The following IGSF9 variants were observed in gnomAD, a reference collection of about 807,000 sequenced individuals.
The protein encoded by IGSF9 is immunoglobulin superfamily member 9.
In IGSF9, 87 loss-of-function variants were observed where a neutral mutation model predicts 121.7. The observed-to-expected ratio is 0.71, with a 90% CI of 0.60 to 0.85. IGSF9 has a LOEUF of 0.85. Ranked by LOEUF, IGSF9 falls within the 40% of genes least tolerant of loss-of-function variation. The pLI is 0.00. For missense variants in IGSF9, 1,462 were observed against 1,565.3 expected (o/e 0.93, Z 1.11); for synonymous variants, 640 against 648.4 (o/e 0.99, Z 0.20).
Position 159,932,117 on chromosome 1 carries a change from G to A in IGSF9, c.1246-189C>T. 1.7e-6 allele frequency: 1 copy of A among 574,952 alleles called. No individual in the cohort carries two copies. The highest frequency in any genetic ancestry group is 3.0e-5 in the East Asian group (1 of 33,688). The allele number at this position is 574,952 out of a possible 1,614,324, so 35.6% of individuals were successfully genotyped here. On this transcript the variant is annotated intron_variant, in intron 10 of 20. Coordinates refer to ENST00000368094, the MANE Select transcript of IGSF9 (RefSeq NM_001135050.2). This position sits in a 1 kb window ranked among gnomAD's most constrained non-coding sequence, Gnocchi z 4.1. The stretch of plus-strand genomic sequence containing the variant: ...TCAATTCCTCTCTGGCTCTGTTTCT[G>A]TTCCCCAGTGGGTAGGGGCTGGAGG...
In IGSF9 at chr1:159,934,827, G is replaced by C; in HGVS notation, c.674-5C>G. ...GCACCACGATGACTGGGGGTCCTGT[G>C]GGATGCACAAGGGGAGGAAGGTGGC... On this transcript the variant is annotated splice_polypyrimidine_tract_variant and splice_region_variant and intron_variant, in intron 6 of 20. Coordinates refer to ENST00000368094, the MANE Select transcript of IGSF9 (RefSeq NM_001135050.2). The C allele has an allele frequency of 6.2e-7, 1 of 1,613,950 alleles. No individual in the cohort carries two copies. The highest frequency in any genetic ancestry group is 8.5e-7 in the Non-Finnish European group (1 of 1,179,948).
At position 159,927,613 on chromosome 1, in the gene IGSF9, G is replaced by C. The variant is rs561884375; in HGVS notation, c.3359-87C>G. On this transcript the variant is annotated intron_variant, in intron 20 of 20. Coordinates refer to ENST00000368094, the MANE Select transcript of IGSF9 (RefSeq NM_001135050.2). Reference sequence around the variant, plus strand: ...ATGTGAAGCTCGCTAGGCCCTTCCAGTACAGATGGCCCAAGGGGGCAAGGC... The same window carrying C: ...ATGTGAAGCTCGCTAGGCCCTTCCACTACAGATGGCCCAAGGGGGCAAGGC... 37 of 1,546,226 alleles carry C rather than the reference G, an allele frequency of 2.4e-5. No individual in the cohort carries two copies. In the African/African-American group the frequency reaches 4.5e-4, roughly 19 times the overall value.
chr1:159,936,249 A>T, intron 6 of IGSF9, 150 bp downstream of exon 6: 1 of 680,128 alleles, frequency 1.5e-6, no homozygotes, highest in Admixed American at 2.5e-5. Flanking sequence ...GTTTCAGAGC[A>T]ACAGCCTGCA....
rs76641692 is a variant in IGSF9 at position 159,932,261 on chromosome 1, G to C, written c.1245+251C>G. On this transcript the variant is annotated intron_variant, in intron 10 of 20. Coordinates refer to ENST00000368094, the MANE Select transcript of IGSF9 (RefSeq NM_001135050.2). This position sits in a 1 kb window ranked among gnomAD's most constrained non-coding sequence, Gnocchi z 4.1. ...GAGGGAGGCAGCACGGTCAAGGTTA[G>C]TGAGAGTTGGGGCAAACAGGATATC... 0.079 allele frequency: 46,227 copies of C among 585,206 alleles called. 4,023 individuals are homozygous for C. The highest frequency in any genetic ancestry group is 0.35 in the African/African-American group (18,371 of 53,232). 36.3% of individuals were successfully genotyped at this position (585,206 alleles called of 1,614,324 possible).
In IGSF9 at chr1:159,931,439, C is replaced by T; in HGVS notation, c.1513+14G>A. ...AGTTTCTCCCAGCCCCTGGCCCTCT[C>T]TCCAGCCACTAACCCAGCACGTAGA... On this transcript the variant is annotated intron_variant, in intron 12 of 20. Coordinates refer to ENST00000368094, the MANE Select transcript of IGSF9 (RefSeq NM_001135050.2). This position sits in a 1 kb window ranked among gnomAD's most constrained non-coding sequence, Gnocchi z 4.8. 1 of 1,610,382 alleles carries T rather than the reference C, an allele frequency of 6.2e-7. No homozygotes were observed. The highest frequency in any genetic ancestry group is 8.5e-7 in the Non-Finnish European group (1 of 1,177,032).
Position 159,931,858 on chromosome 1 carries a change from G to A in IGSF9, c.1316C>T (p.Pro439Leu). 6.3e-7 allele frequency: 1 copy of A among 1,596,666 alleles called. No individual in the cohort carries two copies. Among genetic ancestry groups the A allele is most frequent in the Non-Finnish European group, 8.5e-7 (1 of 1,174,154 alleles). The change falls in exon 11 of 21, where the codon CCC (proline) becomes CTC (leucine). Residue 439 changes from proline (P) to leucine (L), a missense_variant. Physicochemically the swap from Pro to Leu is moderately conservative, Grantham distance 98. Around this residue, in one of 3 missense-constraint regions of IGSF9, gnomAD observed 558 missense variants for 599.4 expected, o/e 0.93. Coordinates refer to ENST00000368094, the MANE Select transcript of IGSF9 (RefSeq NM_001135050.2). The surrounding 1 kb of genome is among the most constrained non-coding windows in gnomAD (Gnocchi z 4.8). ...FQEVGRELLI[P>L]CSAQGDPPPV... ...AGGAGGGTCCCCTTGGGCGGAGCAG[G>A]GGATGAGCAGCTCCCGCCCTACTTC...
chr1:159,932,655 G>A lies in IGSF9; in HGVS notation c.1105-3C>T. 3 of 1,609,380 alleles carry A rather than the reference G, an allele frequency of 1.9e-6. No homozygotes were observed. Among genetic ancestry groups the A allele is most frequent in the Non-Finnish European group, 2.5e-6 (3 of 1,176,900 alleles). On this transcript the variant is annotated splice_region_variant and splice_polypyrimidine_tract_variant and intron_variant, in intron 9 of 20. Coordinates refer to ENST00000368094, the MANE Select transcript of IGSF9 (RefSeq NM_001135050.2). This position sits in a 1 kb window ranked among gnomAD's most constrained non-coding sequence, Gnocchi z 4.1. ...GTGCCCTGGGACCAGCCAGGGAACT[G>A]GAAGGAAGAGAAGATGACAGCTAGA...
chr1:159,927,173 G>C lies in IGSF9; in HGVS notation c.*172C>G. On this transcript the variant is annotated 3_prime_UTR_variant, in exon 21 of 21. Transcript: ENST00000368094. ...TGTTCCAATCCCCAGACTCACCTAG[G>C]GGGTCAGCACATACATTCCATACCA... 1.4e-6 allele frequency: 1 copy of C among 692,142 alleles called. No individual in the cohort carries two copies. Among genetic ancestry groups the C allele is most frequent in the South Asian group, 1.8e-5 (1 of 56,062 alleles). The allele number at this position is 692,142 out of a possible 1,614,324, so 42.9% of individuals were successfully genotyped here. A position where few individuals can be genotyped will look rare whatever the true frequency, so the allele number is the denominator to read the frequency against.
At position 159,934,290 on chromosome 1, in the gene IGSF9, G is replaced by A; in HGVS notation, c.1004C>T (p.Pro335Leu). 6.2e-7 allele frequency: 1 copy of A among 1,611,494 alleles called. No homozygotes were observed. Among genetic ancestry groups the A allele is most frequent in the Non-Finnish European group, 8.5e-7 (1 of 1,178,780 alleles). The change falls in exon 9 of 21, where the codon CCC becomes CTC. Residue 335 changes from proline (P) to leucine (L), a missense_variant. Physicochemically the swap from Pro to Leu is moderately conservative, Grantham distance 98. Transcript: ENST00000368094. Reference protein sequence around the residue: ...VTAMPPETPLPIGMPGVIRCP... With the variant: ...VTAMPPETPLLIGMPGVIRCP... ...GCGGATCACCCCCGGCATGCCTATG[G>A]GCAGGGGTGTCTCAGGAGGCATAGC... is the stretch of plus-strand genomic sequence containing the variant.
At position 159,930,276 on chromosome 1, in the gene IGSF9, T is replaced by C; in HGVS notation, c.1977A>G (p.Glu659=). Residue 659 remains glutamate (E), a synonymous_variant, in exon 15 of 21, where the codon GAA becomes GAG. Coordinates refer to ENST00000368094, the MANE Select transcript of IGSF9 (RefSeq NM_001135050.2). ...VPKRLDGYVL[E]GRQGSQGWEV... is the part of the protein sequence containing the mutation. ...CCCAGCCCTGGGAGCCTTGCCGGCC[T>C]TCCAAGACGTAGCCATCCAGTCTCT... The C allele has an allele frequency of 2.5e-6, 4 of 1,613,742 alleles. No homozygotes were observed. The highest frequency in any genetic ancestry group is 3.4e-6 in the Non-Finnish European group (4 of 1,179,886).
At position 159,928,285 on chromosome 1, in the gene IGSF9, G is replaced by A. The variant is rs367826505; in HGVS notation, c.3103C>T (p.Arg1035Trp). 33 of 1,612,094 alleles carry A rather than the reference G, an allele frequency of 2.0e-5. No individual in the cohort carries two copies. The highest frequency in any genetic ancestry group is 4.0e-5 in the African/African-American group (3 of 74,854). Residue 1035 changes from arginine to tryptophan, a missense_variant, in exon 19 of 21, where the codon CGG (arginine) becomes TGG (tryptophan). Physicochemically the swap from Arg to Trp is moderately radical, Grantham distance 101. Around this residue, in one of 3 missense-constraint regions of IGSF9, gnomAD observed 808 missense variants for 815.2 expected, o/e 0.99. Transcript: ENST00000368094. ...GCAGAGGGGGCTGTGGAGGGGGGCCGCAGGAACGAAGCGCTGCCTCGCCCA... is the reference window on the plus strand; with the variant it reads ...GCAGAGGGGGCTGTGGAGGGGGGCCACAGGAACGAAGCGCTGCCTCGCCCA... Reference protein sequence around the residue: ...SSGRGSASFLRPPSTAPSAGG... With the variant: ...SSGRGSASFLWPPSTAPSAGG...
intron 1 of IGSF9, among the ~76,000 whole-genome samples, chr1:159,943,858 A>G (rs2101885383): frequency 6.6e-6 from 1 of 151,938 alleles, no homozygotes; most frequent in African/African-American, 2.4e-5. Context: ...GAAATGGGGG[A>G]GGCTGGGAGA....
At position 159,934,779 on chromosome 1, in the gene IGSF9, A is replaced by G. The variant is rs1557934546; in HGVS notation, c.717T>C (p.Asn239=). Residue 239 remains asparagine, a synonymous_variant, in exon 7 of 21, where the codon AAT becomes AAC. Transcript: ENST00000368094. ...IVVPPKNSTV[N]ASQDVSLACH... is the part of the protein sequence containing the mutation. ...AGGCCAATGAAACATCCTGGGAGGC[A>G]TTGACTGTGCTGTTCTTGGGGGGCA... is the stretch of plus-strand genomic sequence containing the variant. The G allele has an allele frequency of 6.2e-7, 1 of 1,614,150 alleles. No homozygotes were observed. Among genetic ancestry groups the G allele is most frequent in the Non-Finnish European group, 8.5e-7 (1 of 1,180,028 alleles).
Position 159,936,507 on chromosome 1 carries a change from C to G in IGSF9, c.565G>C (p.Gly189Arg), listed in dbSNP as rs1395263013. The stretch of plus-strand genomic sequence containing the variant: ...TCTACCCGGCGGATCCGCAGCGTCC[C>G]GTTCTGCACCTAGGGAAGGAGTGGG... ...QGQGQVQVQN[G>R]TLRIRRVERG... Residue 189 changes from glycine to arginine, a missense_variant, in exon 6 of 21, where the codon GGG (glycine) becomes CGG (arginine). By Grantham distance (125) the Gly-to-Arg change is moderately radical. Transcript: ENST00000368094. The G allele has an allele frequency of 3.7e-6, 6 of 1,613,760 alleles. No homozygotes were observed. The highest frequency in any genetic ancestry group is 2.2e-5 in the East Asian group (1 of 44,902).
In IGSF9 at chr1:159,932,230, C is replaced by G. The variant is rs72702746; in HGVS notation, c.1245+282G>C. ...TGCAGAACATTCTTCCTCCCAGAGC[C>G]CCAGAGAGGGAGGCAGCACGGTCAA... On this transcript the variant is annotated intron_variant, in intron 10 of 20. Transcript: ENST00000368094. The surrounding 1 kb of genome is among the most constrained non-coding windows in gnomAD (Gnocchi z 4.1). The G allele has an allele frequency of 1.7e-6, 1 of 574,624 alleles. No homozygotes were observed. The highest frequency in any genetic ancestry group is 3.1e-6 in the Non-Finnish European group (1 of 323,746). 35.6% of individuals were successfully genotyped at this position (574,624 alleles called of 1,614,324 possible).
chr1:159,933,535 T>G (rs1369871676), intron 9 of IGSF9: 1 of 152,468 alleles, frequency 6.6e-6, no homozygotes, highest in Admixed American at 6.5e-5. Context: ...TCTTTCCAGC[T>G]TTCTCTGCAC....
intron 9 of IGSF9, 60 bp downstream of exon 9, chr1:159,934,130 G>A (rs941280395): frequency 6.4e-7 from 1 of 1,556,344 alleles, no homozygotes; most frequent in South Asian, 1.2e-5. Flanking sequence ...ACTCCACCCT[G>A]CTGTCCTGAG....
chr1:159,929,367 C>T lies in IGSF9; in HGVS notation c.2353G>A (p.Gly785Arg), dbSNP rs779432233. Residue 785 changes from glycine (G) to arginine (R), a missense_variant, in exon 18 of 21, where the codon GGG becomes AGG. Gly to Arg is a moderately radical substitution (Grantham distance 125, BLOSUM62 -2). Around this residue, in one of 3 missense-constraint regions of IGSF9, gnomAD observed 808 missense variants for 815.2 expected, o/e 0.99. Coordinates refer to ENST00000368094, the MANE Select transcript of IGSF9 (RefSeq NM_001135050.2). ...GGCACTTACGGTGCAGCTGACTTCC[C>T]GGTCGGAGAGAAGATAAGAGGTGGA... ...QDPPLIFSPT[G>R]KSAAPSALGS... 4 of 1,614,084 alleles carry T rather than the reference C, an allele frequency of 2.5e-6. No homozygotes were observed. The highest frequency in any genetic ancestry group is 3.4e-6 in the Non-Finnish European group (4 of 1,179,998).
intron 3 of IGSF9, among the ~76,000 whole-genome samples, chr1:159,941,180 G>A (rs1421579159): frequency 6.6e-6 from 1 of 152,142 alleles, no homozygotes; most frequent in South Asian, 2.1e-4. Flanking sequence ...CTCTCTCAGG[G>A]TTCCGCACAC....
Sources: allele counts gnomAD v4.1 joint callset (sites outside exome capture counted in the v4.1 genomes callset), GRCh38; gene constraint gnomAD v4.1.1; regional missense constraint gnomAD v4.1.1; non-coding constraint Gnocchi (gnomAD v3.1); transcripts MANE v1.5; gene names NCBI Gene and HGNC (gene_info 2026-07-23, HGNC 2026-07-21).